The following ZC3H7A variants were observed in gnomAD, a reference collection of about 807,000 sequenced individuals.
ZC3H7A encodes zinc finger CCCH domain-containing protein 7A.
Under a neutral mutation model 125.5 loss-of-function variants are expected in ZC3H7A, and 44 were observed. The ratio of observed to expected loss-of-function variants is 0.35; its 90% CI spans 0.28 to 0.45. The LOEUF (loss-of-function observed/expected upper bound fraction) is 0.45. ZC3H7A is among the 20% of genes least tolerant of loss of function. The pLI is 1.00. For missense variants in ZC3H7A, 977 were observed against 1,170.7 expected (o/e 0.83, Z 2.41); for synonymous variants, 399 against 391.2 (o/e 1.02, Z -0.23).
At chr16:11,751,783 A>G (rs1669481661) in intron 22 of ZC3H7A, among the ~76,000 whole-genome samples, 1 of 152,224 alleles carries the variant, frequency 6.6e-6, no homozygotes, top group Non-Finnish European at 1.5e-5. Context: ...AGGCGGCATC[A>G]AGGAAAAAAA....
intron 7 of ZC3H7A, among the ~76,000 whole-genome samples, chr16:11,775,303 G>A (rs1253549298): frequency 6.6e-6 from 1 of 151,920 alleles, no homozygotes; most frequent in Non-Finnish European, 1.5e-5. Flanking sequence ...CCCGGGAGGT[G>A]GAGGCTGCAG....
At chr16:11,768,592 A>T in intron 11 of ZC3H7A, 91 bp from the exon 12 acceptor site, 2 of 1,185,248 alleles carry the variant, frequency 1.7e-6, no homozygotes, top group Non-Finnish European at 2.3e-6. Context: ...CTGAAAAATA[A>T]GATAATCTTC....
chr16:11,788,123 G>A (rs2053287469), intron 1 of ZC3H7A, among the ~76,000 whole-genome samples: 2 of 152,122 alleles, frequency 1.3e-5, no homozygotes, highest in African/African-American at 4.8e-5. Flanking sequence ...TAACCCAACA[G>A]TCTCTTTTCT....
At chr16:11,755,814 C>T (rs765674327) in intron 21 of ZC3H7A, among the ~76,000 whole-genome samples, 24 of 152,080 alleles carry the variant, frequency 1.6e-4, no homozygotes, top group Non-Finnish European at 2.9e-4. Flanking sequence ...AAGATGAAGA[C>T]ACAGAACAGA....
chr16:11,757,501 A>G (rs2052672002), intron 20 of ZC3H7A, among the ~76,000 whole-genome samples: 1 of 151,734 alleles, frequency 6.6e-6, no homozygotes, highest in Non-Finnish European at 1.5e-5. Flanking sequence ...AAAAAAAAAA[A>G]AAAAAAAAAA....
At chr16:11,761,610 T>G in intron 18 of ZC3H7A, 99 bp from the exon 19 acceptor site, 1 of 1,263,888 alleles carries the variant, frequency 7.9e-7, no homozygotes, top group East Asian at 2.3e-5. Context: ...ACCAGAGAAT[T>G]TTTTTCTCAA....
rs16958628 is a variant in ZC3H7A at position 11,766,277 on chromosome 16, G to T, written c.1523-592C>A. On this transcript the variant is annotated intron_variant, in intron 13 of 22. Coordinates refer to ENST00000355758, the MANE Select transcript of ZC3H7A (RefSeq NM_014153.4). The stretch of plus-strand genomic sequence containing the variant: ...GAGACAGTCTTCTGTTTAAAATCTG[G>T]TCATAGGCCAAGCGTGGTGGCTCAC... 6.3e-3 allele frequency among the ~76,000 whole-genome samples: 953 copies of T among 152,242 alleles called. 7 individuals carry two copies. Among genetic ancestry groups the T allele is most frequent in the African/African-American group, 0.022 (896 of 41,558 alleles).
chr16:11,776,606 A>C, intron 5 of ZC3H7A, 74 bp from the exon 6 acceptor site: 1 of 1,507,198 alleles, frequency 6.6e-7, no homozygotes, highest in Non-Finnish European at 8.9e-7. Context: ...AAAACAGGGA[A>C]GTTTCCCATC....
intron 1 of ZC3H7A, among the ~76,000 whole-genome samples, chr16:11,787,047 A>C (rs1286282254): frequency 6.6e-6 from 1 of 152,216 alleles, no homozygotes; most frequent in Non-Finnish European, 1.5e-5. Flanking sequence ...GAGCCCTATC[A>C]GGATATAGAT....
At chr16:11,770,208 A>C (rs1476069520) in intron 10 of ZC3H7A, among the ~76,000 whole-genome samples, 3 of 152,144 alleles carry the variant, frequency 2.0e-5, no homozygotes, top group African/African-American at 7.2e-5. Context: ...CCTTTTAGCC[A>C]CGTAACAATG....
chr16:11,793,997 G>C (rs760829358), intron 1 of ZC3H7A, among the ~76,000 whole-genome samples: 1 of 152,164 alleles, frequency 6.6e-6, no homozygotes, highest in African/African-American at 2.4e-5. Flanking sequence ...CTCCCTCTGC[G>C]AAGAGGCTCC....
chr16:11,793,205 A>G (rs2053380487), intron 1 of ZC3H7A, among the ~76,000 whole-genome samples: 1 of 152,182 alleles, frequency 6.6e-6, no homozygotes, highest in East Asian at 1.9e-4. Flanking sequence ...CAGCATTTGT[A>G]CTTTTGCCTA....
rs1434471194 is a variant in ZC3H7A at position 11,776,436 on chromosome 16, G to A, written c.546+16C>T. 6.2e-7 allele frequency: 1 copy of A among 1,605,774 alleles called. No homozygotes were observed. Among genetic ancestry groups the A allele is most frequent in the Admixed American group, 1.7e-5 (1 of 57,986 alleles). ...AAACAAAATGAAAACACCTTATGCA[G>A]AGAACTCCAGCTTACCTCAGCTCTG... is the stretch of plus-strand genomic sequence containing the variant. On this transcript the variant is annotated intron_variant, in intron 6 of 22. Transcript: ENST00000355758.
Position 11,774,412 on chromosome 16 carries a change from T to C in ZC3H7A, c.727A>G (p.Thr243Ala). Residue 243 changes from threonine (T) to alanine (A), a missense_variant, in exon 9 of 23, where the codon ACT becomes GCT. This residue lies in a region of ZC3H7A where 342 missense variants were observed against 311.3 expected (regional missense o/e 1.10). Coordinates refer to ENST00000355758, the MANE Select transcript of ZC3H7A (RefSeq NM_014153.4). The part of the protein sequence containing the change: ...ELASVPVMPL[T>A]SILPLQVEES... ...TCCACTTGTAGTGGCAAAATAGAAG[T>C]TAAGGGCATAACAGGAACTGAGGCC... is the stretch of plus-strand genomic sequence containing the variant. The C allele has an allele frequency of 6.2e-7, 1 of 1,613,268 alleles. No homozygotes were observed.
chr16:11,791,486 T>G (rs771611224), intron 1 of ZC3H7A, among the ~76,000 whole-genome samples: 2 of 152,188 alleles, frequency 1.3e-5, no homozygotes, highest in African/African-American at 4.8e-5. Context: ...CTCACCCCTC[T>G]TATTCACTTC....
In ZC3H7A at chr16:11,774,455, A is replaced by T. The variant is rs2053045824; in HGVS notation, c.684T>A (p.His228Gln). 9 of 1,592,932 alleles carry T rather than the reference A, an allele frequency of 5.6e-6. No individual in the cohort carries two copies. Among genetic ancestry groups the T allele is most frequent in the African/African-American group, 1.3e-5 (1 of 74,306 alleles). ...CTGAGGCCAGCTCACTTCCAACTTCATGAGAAAAACTGGGTGCCGGTAAAG... is the reference window on the plus strand; with the variant it reads ...CTGAGGCCAGCTCACTTCCAACTTCTTGAGAAAAACTGGGTGCCGGTAAAG... ...VVSLPAPSFS[H>Q]EVGSELASVP... Residue 228 changes from histidine (H) to glutamine (Q), a missense_variant, in exon 9 of 23, where the codon CAT becomes CAA. His to Gln is a conservative substitution (Grantham distance 24). This residue lies in a region of ZC3H7A where 342 missense variants were observed against 311.3 expected (regional missense o/e 1.10). Transcript: ENST00000355758.
intron 1 of ZC3H7A, among the ~76,000 whole-genome samples, chr16:11,793,525 C>G (rs2053385310): frequency 7.4e-6 from 1 of 135,710 alleles, no homozygotes; most frequent in South Asian, 2.4e-4. Flanking sequence ...AGAGCAAGAT[C>G]CTGTCTCAAA....
In ZC3H7A at chr16:11,761,501, C is replaced by G. The variant is rs150872757; in HGVS notation, c.2224G>C (p.Asp742His). 1.6e-5 allele frequency: 26 copies of G among 1,613,998 alleles called. No homozygotes were observed. Among genetic ancestry groups the G allele is most frequent in the African/African-American group, 1.2e-4 (9 of 75,026 alleles). ...GACATCACTCTCATCGCACGCCGGT[C>G]TTTGGTCCACCTAAGAAAAATGGAG... ...SAKARHSWTKDRRAMRVMSIE... is the reference protein window; with the variant it reads ...SAKARHSWTKHRRAMRVMSIE... Residue 742 changes from aspartate to histidine, a missense_variant, in exon 19 of 23, where the codon GAC becomes CAC. By Grantham distance (81) the Asp-to-His change is moderately conservative. Around this residue, in one of 3 missense-constraint regions of ZC3H7A, gnomAD observed 436 missense variants for 603.2 expected, o/e 0.72. Transcript: ENST00000355758.
intron 7 of ZC3H7A, among the ~76,000 whole-genome samples, chr16:11,775,884 G>C (rs1436609987): frequency 6.6e-6 from 1 of 152,164 alleles, no homozygotes; most frequent in Admixed American, 6.6e-5. Context: ...GAGGCCAGAA[G>C]AGATGGCTCA....
Sources: gnomAD v4.1 joint callset for allele counts (sites outside exome capture counted in the v4.1 genomes callset) on GRCh38, gnomAD v4.1.1 for gene constraint, gnomAD v4.1.1 regional missense constraint, MANE v1.5 for transcripts, NCBI Gene and HGNC (gene_info 2026-07-23, HGNC 2026-07-21) for gene names.